Variants in NCAM2 observed in about 807,000 individuals in gnomAD.
The protein encoded by NCAM2 is N-CAM-2.
In NCAM2, 30 loss-of-function variants were observed where a neutral mutation model predicts 98.1. That is an observed-to-expected ratio of 0.31 (90% confidence interval 0.23 to 0.41). NCAM2 has a LOEUF of 0.41. Among genes scored for constraint, NCAM2 ranks in the 10% least tolerant of loss-of-function variants. The pLI, the probability that NCAM2 is intolerant of heterozygous loss-of-function variation, is 1.00. For missense variants in NCAM2, 867 were observed against 1,005.8 expected, an observed-to-expected ratio of 0.86 and a Z score of 1.87; for synonymous variants, 368 against 342.4, an observed-to-expected ratio of 1.07 and a Z score of -0.83.
intron 1 of NCAM2, among the ~76,000 whole-genome samples, chr21:21,081,367 T>C (rs767679944): frequency 8.5e-5 from 13 of 152,120 alleles, no homozygotes; most frequent in Non-Finnish European, 1.6e-4. Flanking sequence ...CCAAGTATTA[T>C]TTTAGAGAGA....
intron 9 of NCAM2, among the ~76,000 whole-genome samples, chr21:21,409,313 T>C (rs2145908219): frequency 6.6e-6 from 1 of 152,280 alleles, no homozygotes; most frequent in Non-Finnish European, 1.5e-5. Flanking sequence ...TTAACTTCTG[T>C]GATAGAGATC....
At chr21:21,473,042 G>A (rs933531659) in intron 14 of NCAM2, among the ~76,000 whole-genome samples, 2 of 151,216 alleles carry the variant, frequency 1.3e-5, no homozygotes, top group East Asian at 3.9e-4. Context: ...ATACAATTCG[G>A]TGTTTTAAAT....
At position 21,239,639 on chromosome 21, in the gene NCAM2, A is replaced by G. The variant is rs561074249; in HGVS notation, c.56-40939A>G. ...TCATGGAGTTAGTGGCCATTCAGTA[A>G]TAAATGTAGACACTGATTCCTAAAA... On this transcript the variant is annotated intron_variant, in intron 1 of 17. Coordinates refer to ENST00000400546, the MANE Select transcript of NCAM2 (RefSeq NM_004540.5). Among the ~76,000 whole-genome samples the G allele has an allele frequency of 2.6e-5, 4 of 152,274 alleles. No homozygotes were observed. In the South Asian group the frequency reaches 6.2e-4, roughly 24 times the overall value.
At chr21:21,040,728 A>C (rs1320205640) in intron 1 of NCAM2, among the ~76,000 whole-genome samples, 1 of 152,322 alleles carries the variant, frequency 6.6e-6, no homozygotes, top group African/African-American at 2.4e-5. Context: ...GGAAGCTAAA[A>C]AGTTTATCTT....
chr21:21,452,946 T>C (rs1981459601), intron 12 of NCAM2, among the ~76,000 whole-genome samples: 2 of 84,108 alleles, frequency 2.4e-5, no homozygotes, highest in South Asian at 6.2e-4. Context: ...TAATATAATT[T>C]ATACTATATA....
chr21:21,045,717 T>C (rs1467832080), intron 1 of NCAM2, among the ~76,000 whole-genome samples: 1 of 152,208 alleles, frequency 6.6e-6, no homozygotes, highest in Non-Finnish European at 1.5e-5. Flanking sequence ...TCTGATACCC[T>C]GGCATTGAAT....
At chr21:21,109,113 T>C (rs2066405736) in intron 1 of NCAM2, among the ~76,000 whole-genome samples, 2 of 152,124 alleles carry the variant, frequency 1.3e-5, no homozygotes, top group South Asian at 4.1e-4. Context: ...CAGTCATAAT[T>C]TGTGCAGTGG....
Position 21,540,107 on chromosome 21 carries a change from G to A in NCAM2, c.*2150G>A, listed in dbSNP as rs1372109552. The A allele has an allele frequency of 1.3e-5, 2 of 151,942 alleles. No homozygotes were observed. The highest frequency in any genetic ancestry group is 2.4e-5 in the African/African-American group (1 of 41,396). The allele number at this position is 151,942 out of a possible 1,614,324, so 9.4% of individuals were successfully genotyped here. A position where few individuals can be genotyped will look rare whatever the true frequency, so the allele number is the denominator to read the frequency against. On this transcript the variant is annotated 3_prime_UTR_variant, in exon 18 of 18. Transcript: ENST00000400546. ...ATACGATGACTGAGAAAGTCATTTC[G>A]CATGTTTACTATTGTTATATTCGTG...
rs375099746 is a variant in NCAM2 at position 21,224,981 on chromosome 21, A to G, written c.56-55597A>G. 6.6e-5 allele frequency among the ~76,000 whole-genome samples: 10 copies of G among 152,284 alleles called. No individual in the cohort carries two copies. The East Asian group carries it at 1.7e-3, about 26-fold the overall frequency. ...TTACAGTTTTTGCAGAGGACTTAGA[A>G]GTACCTAACATAAAAGACATGGAAT... On this transcript the variant is annotated intron_variant, in intron 1 of 17. Transcript: ENST00000400546.
intron 7 of NCAM2, among the ~76,000 whole-genome samples, chr21:21,336,365 AAAGG>A (rs1391801478): frequency 6.6e-6 from 1 of 151,682 alleles, no homozygotes; most frequent in Non-Finnish European, 1.5e-5. Context: ...AAAAGAGGGA[AAAGG>A]AAGGAAGGAG....
At chr21:21,483,061 C>G (rs1403112510) in intron 15 of NCAM2, among the ~76,000 whole-genome samples, 1 of 151,916 alleles carries the variant, frequency 6.6e-6, no homozygotes, top group Non-Finnish European at 1.5e-5. Flanking sequence ...TGGATATAAT[C>G]TAATGTTTAA....
chr21:21,145,557 A>G (rs2067254458), intron 1 of NCAM2, among the ~76,000 whole-genome samples: 1 of 152,168 alleles, frequency 6.6e-6, no homozygotes, highest in Admixed American at 6.5e-5. Flanking sequence ...TAAAACCTTT[A>G]GTTCCTTGCT....
intron 16 of NCAM2, among the ~76,000 whole-genome samples, chr21:21,510,487 A>G (rs1358618241): frequency 6.6e-6 from 1 of 152,018 alleles, no homozygotes; most frequent in Non-Finnish European, 1.5e-5. Context: ...TTGTATTAGG[A>G]CCATTCATGT....
At chr21:21,105,329 A>G (rs1368558448) in intron 1 of NCAM2, among the ~76,000 whole-genome samples, 1 of 152,140 alleles carries the variant, frequency 6.6e-6, no homozygotes, top group Non-Finnish European at 1.5e-5. Flanking sequence ...TTAAATAAAA[A>G]TGAATCAATT....
In NCAM2 at chr21:21,338,525, A is replaced by G; in HGVS notation, c.1035A>G (p.Glu345=). The change falls in exon 8 of 18, where the codon GAA becomes GAG. Residue 345 remains glutamate (E), a synonymous_variant. Transcript: ENST00000400546. ...CTGTGGATGGCTTCACGTTCACTGA[A>G]GGCGATAAGGTAACCACATCTCAAT... ...KRAVDGFTFT[E]GDKSLDGRIE... 1 of 1,607,732 alleles carries G rather than the reference A, an allele frequency of 6.2e-7. No homozygotes were observed. The highest frequency in any genetic ancestry group is 1.3e-5 in the African/African-American group (1 of 74,648).
Position 21,253,498 on chromosome 21 carries a change from C to G in NCAM2, c.56-27080C>G, listed in dbSNP as rs1039839647. Among the ~76,000 whole-genome samples, 3 of 151,968 alleles carry G rather than the reference C, an allele frequency of 2.0e-5. No individual in the cohort carries two copies. In the East Asian group the frequency reaches 5.8e-4, roughly 29 times the overall value. On this transcript the variant is annotated intron_variant, in intron 1 of 17. Transcript: ENST00000400546. ...AAGAGACCTCAGAGAACTGCCTTGC[C>G]CCTTCCACAATGCGAGGACACAGCT...
intron 1 of NCAM2, among the ~76,000 whole-genome samples, chr21:21,244,223 C>A (rs983488068): frequency 6.6e-6 from 1 of 151,994 alleles, no homozygotes; most frequent in Non-Finnish European, 1.5e-5. Flanking sequence ...AAGAATAAAA[C>A]CCCTTTACTA....
intron 1 of NCAM2, among the ~76,000 whole-genome samples, chr21:21,012,675 G>A (rs1037424458): frequency 6.6e-6 from 1 of 152,010 alleles, no homozygotes; most frequent in South Asian, 2.1e-4. Flanking sequence ...ATTTTATTGT[G>A]TTTCCTTTTA....
At chr21:21,316,375 A>C (rs2074218748) in intron 5 of NCAM2, among the ~76,000 whole-genome samples, 1 of 152,092 alleles carries the variant, frequency 6.6e-6, no homozygotes, top group Non-Finnish European at 1.5e-5. Flanking sequence ...CCATTAACTT[A>C]CTTTAAAAAC....
Sources: gnomAD v4.1 joint callset for allele counts (sites outside exome capture counted in the v4.1 genomes callset) on GRCh38, gnomAD v4.1.1 for gene constraint, MANE v1.5 for transcripts, NCBI Gene and HGNC (gene_info 2026-07-23, HGNC 2026-07-21) for gene names.